The following EPHA3 variants were observed in gnomAD, a reference collection of about 807,000 sequenced individuals.
EPHA3 encodes EPH receptor A3.
In EPHA3, 42 loss-of-function variants were observed where a neutral mutation model predicts 107.1. The observed-to-expected ratio is 0.39, with a 90% confidence interval of 0.31 to 0.51. The LOEUF (loss-of-function observed/expected upper bound fraction) is 0.51. Ranked by LOEUF, EPHA3 falls within the 20% of genes least tolerant of loss-of-function variation. EPHA3 has a pLI of 0.78. For missense variants in EPHA3, 1,183 were observed against 1,211.2 expected (o/e 0.98, Z 0.35); for synonymous variants, 461 against 424.8 (o/e 1.09, Z -1.05).
chr3:89,376,675 T>C, intron 5 of EPHA3, among the ~76,000 whole-genome samples: 1 of 152,052 alleles, frequency 6.6e-6, no homozygotes, highest in East Asian at 1.9e-4. Flanking sequence ...ATATTTGGAT[T>C]AAAATGTGTT....
At position 89,313,656 on chromosome 3, in the gene EPHA3, T is replaced by C. The variant is rs760542314; in HGVS notation, c.815-27260T>C. Among the ~76,000 whole-genome samples the C allele has an allele frequency of 3.6e-4, 55 of 151,970 alleles. 1 individual carries two copies. Among genetic ancestry groups the C allele is most frequent in the Non-Finnish European group, 1.5e-4 (10 of 67,928 alleles). On this transcript the variant is annotated intron_variant, in intron 3 of 16. Transcript: ENST00000336596. ...TAGGTTCCATGCTGTTGTTTCCATA[T>C]GTATTATATCATATATTTTATAAAG...
At chr3:89,292,582 T>C (rs1195922540) in intron 3 of EPHA3, among the ~76,000 whole-genome samples, 1 of 152,180 alleles carries the variant, frequency 6.6e-6, no homozygotes, top group African/African-American at 2.4e-5. Flanking sequence ...TAATCCAAAT[T>C]TTGATTTTCC....
chr3:89,247,044 A>T (rs1287452128), intron 3 of EPHA3, among the ~76,000 whole-genome samples: 1 of 152,202 alleles, frequency 6.6e-6, no homozygotes, highest in African/African-American at 2.4e-5. Flanking sequence ...CCATTCAACG[A>T]GTACTTCTTG....
At chr3:89,341,556 C>T (rs1389646686) in intron 4 of EPHA3, among the ~76,000 whole-genome samples, 199 bp from the exon 5 acceptor site, 6 of 152,100 alleles carry the variant, frequency 3.9e-5, no homozygotes, top group Non-Finnish European at 7.4e-5. Flanking sequence ...GTTAAAACTC[C>T]GCCATTCACA....
chr3:89,145,806 A>G (rs1348427696), intron 2 of EPHA3, among the ~76,000 whole-genome samples: 1 of 151,524 alleles, frequency 6.6e-6, no homozygotes, highest in Non-Finnish European at 1.5e-5. Flanking sequence ...CTCACTCTCC[A>G]TTTCACTGTT....
At chr3:89,419,994 T>C (rs766316672) in intron 11 of EPHA3, among the ~76,000 whole-genome samples, 3 of 151,398 alleles carry the variant, frequency 2.0e-5, no homozygotes, top group African/African-American at 4.8e-5. Context: ...CAGCCCATGA[T>C]AGAGATGTGA....
intron 13 of EPHA3, among the ~76,000 whole-genome samples, chr3:89,446,192 G>C (rs1259549332): frequency 6.6e-6 from 1 of 152,126 alleles, no homozygotes; most frequent in African/African-American, 2.4e-5. Context: ...TAATTTGCTT[G>C]AATCTGTAAC....
intron 2 of EPHA3, among the ~76,000 whole-genome samples, chr3:89,201,994 T>TC (rs1330739204): frequency 1.3e-5 from 2 of 152,162 alleles, no homozygotes; most frequent in Non-Finnish European, 2.9e-5. Flanking sequence ...TGACACTTTT[T>TC]CTCCCTCTCT....
At chr3:89,343,276 A>G (rs1707574802) in intron 5 of EPHA3, among the ~76,000 whole-genome samples, 1 of 152,232 alleles carries the variant, frequency 6.6e-6, no homozygotes, top group Non-Finnish European at 1.5e-5. Context: ...ACACAGAGTA[A>G]GTGTCATCTA....
intron 13 of EPHA3, among the ~76,000 whole-genome samples, chr3:89,437,065 T>A (rs1046472143): frequency 5.3e-5 from 8 of 152,190 alleles, no homozygotes; most frequent in Non-Finnish European, 1.2e-4. Flanking sequence ...TGAATAAGGC[T>A]ATGAAGTTTC....
chr3:89,235,812 A>G (rs1408203589), intron 3 of EPHA3, among the ~76,000 whole-genome samples: 1 of 151,884 alleles, frequency 6.6e-6, no homozygotes, highest in Non-Finnish European at 1.5e-5. Context: ...ATTTTAAGAA[A>G]GTAAAAAAAG....
intron 5 of EPHA3, among the ~76,000 whole-genome samples, chr3:89,356,718 A>G (rs1707965302): frequency 6.6e-6 from 1 of 151,130 alleles, no homozygotes; most frequent in Admixed American, 6.6e-5. Context: ...GCCATCACTG[A>G]GGTGCCCTAC....
intron 2 of EPHA3, among the ~76,000 whole-genome samples, chr3:89,168,128 T>C (rs964025908): frequency 2.0e-5 from 3 of 152,178 alleles, no homozygotes; most frequent in Non-Finnish European, 4.4e-5. Flanking sequence ...AAAGTTTTAA[T>C]AGCAGACTGG....
chr3:89,137,130 G>A (rs1229304317), intron 2 of EPHA3, among the ~76,000 whole-genome samples: 3 of 151,932 alleles, frequency 2.0e-5, no homozygotes, highest in African/African-American at 7.2e-5. Flanking sequence ...GTGTATGGCA[G>A]ACTGAATAGG....
chr3:89,241,625 C>T (rs755197607), intron 3 of EPHA3, among the ~76,000 whole-genome samples: 9 of 152,070 alleles, frequency 5.9e-5, no homozygotes, highest in African/African-American at 9.7e-5. Context: ...TAACAACTCT[C>T]ATTGACAAAT....
chr3:89,439,858 C>T (rs975731220), intron 13 of EPHA3, among the ~76,000 whole-genome samples: 2 of 152,008 alleles, frequency 1.3e-5, no homozygotes, highest in Non-Finnish European at 2.9e-5. Context: ...TACACTGTTT[C>T]ATGAGAGTCC....
At chr3:89,260,727 T>G (rs1045838204) in intron 3 of EPHA3, among the ~76,000 whole-genome samples, 1 of 152,232 alleles carries the variant, frequency 6.6e-6, no homozygotes, top group Non-Finnish European at 1.5e-5. Context: ...CAACAAAATT[T>G]AACAATATTC....
chr3:89,232,754 A>G (rs1380170497), intron 3 of EPHA3, among the ~76,000 whole-genome samples: 2 of 152,174 alleles, frequency 1.3e-5, no homozygotes. Flanking sequence ...GCCAAGAAGA[A>G]ATTGAAGTGC....
At chr3:89,424,624 T>C (rs1475435641) in intron 11 of EPHA3, among the ~76,000 whole-genome samples, 1 of 151,418 alleles carries the variant, frequency 6.6e-6, no homozygotes, top group African/African-American at 2.4e-5. Flanking sequence ...GAAATCCTGT[T>C]TTTTGTTAAA....
Sources: allele counts gnomAD v4.1 joint callset (sites outside exome capture counted in the v4.1 genomes callset), GRCh38; gene constraint gnomAD v4.1.1; transcripts MANE v1.5; gene names NCBI Gene and HGNC (gene_info 2026-07-23, HGNC 2026-07-21).